Variants in LHFPL3 observed in about 807,000 individuals in gnomAD.
LHFPL3 encodes LHFPL tetraspan subfamily member 3 protein.
LHFPL3 carries 5 observed loss-of-function variants against 19.3 expected under a neutral mutation model. The ratio of observed to expected loss-of-function variants is 0.26; its 90% CI spans 0.14 to 0.54. The LOEUF is 0.54. Ranked by LOEUF, LHFPL3 falls within the 20% of genes least tolerant of loss-of-function variation. The pLI, the probability that LHFPL3 is intolerant of heterozygous loss-of-function variation, is 0.94. For missense variants in LHFPL3, 249 were observed against 307.4 expected (o/e 0.81, Z 1.42); for synonymous variants, 133 against 126.2 (o/e 1.05, Z -0.36).
intron 1 of LHFPL3, among the ~76,000 whole-genome samples, chr7:104,569,528 G>A (rs1006580725): frequency 1.3e-5 from 2 of 152,138 alleles, no homozygotes; most frequent in African/African-American, 4.8e-5. Flanking sequence ...TTTACAATAC[G>A]ATGTTATGGG....
intron 2 of LHFPL3, among the ~76,000 whole-genome samples, chr7:104,804,840 G>T (rs1790323972): frequency 6.6e-6 from 1 of 152,210 alleles, no homozygotes; most frequent in Non-Finnish European, 1.5e-5. Flanking sequence ...GAGAGATATT[G>T]AGACAATGGA....
intron 1 of LHFPL3, among the ~76,000 whole-genome samples, chr7:104,383,959 T>A (rs1466875169): frequency 1.3e-5 from 2 of 152,340 alleles, no homozygotes; most frequent in East Asian, 3.9e-4. Context: ...AGAGAATATC[T>A]TGTGAATCCT....
intron 1 of LHFPL3, among the ~76,000 whole-genome samples, chr7:104,654,430 C>G (rs1416317520): frequency 6.6e-6 from 1 of 152,114 alleles, no homozygotes; most frequent in Admixed American, 6.6e-5. Flanking sequence ...CTAAGAAAAG[C>G]AGCATGTTAT....
intron 2 of LHFPL3, among the ~76,000 whole-genome samples, chr7:104,861,566 G>A (rs930064197): frequency 1.3e-5 from 2 of 152,138 alleles, no homozygotes; most frequent in African/African-American, 2.4e-5. Context: ...ATCTAATGCT[G>A]GAGAGAAGTG....
At chr7:104,501,273 TA>T (rs755211297) in intron 1 of LHFPL3, among the ~76,000 whole-genome samples, 30 of 152,220 alleles carry the variant, frequency 2.0e-4, no homozygotes, top group Non-Finnish European at 3.8e-4. Context: ...TATACCATTT[TA>T]ATGCTGCTTT....
intron 1 of LHFPL3, among the ~76,000 whole-genome samples, chr7:104,438,227 A>G (rs1303023486): frequency 6.6e-6 from 1 of 152,220 alleles, no homozygotes; most frequent in African/African-American, 2.4e-5. Context: ...CTGTTACACC[A>G]TGCACTTTTA....
intron 1 of LHFPL3, among the ~76,000 whole-genome samples, chr7:104,727,980 A>G (rs1255756256): frequency 6.6e-6 from 1 of 152,164 alleles, no homozygotes; most frequent in Non-Finnish European, 1.5e-5. Flanking sequence ...AGAGGTAATG[A>G]AGGCCTAAAG....
chr7:104,520,926 G>T (rs1161276208), intron 1 of LHFPL3, among the ~76,000 whole-genome samples: 2 of 149,940 alleles, frequency 1.3e-5, no homozygotes, highest in Non-Finnish European at 3.0e-5. Context: ...TTTTTGAAGG[G>T]TTTTTTGTGT....
intron 1 of LHFPL3, among the ~76,000 whole-genome samples, chr7:104,598,568 CT>C (rs1312063433): frequency 6.6e-6 from 1 of 152,138 alleles, no homozygotes; most frequent in African/African-American, 2.4e-5. Flanking sequence ...AGGGATTTTG[CT>C]TGTTGACTTT....
At chr7:104,606,956 A>G (rs1389069739) in intron 1 of LHFPL3, among the ~76,000 whole-genome samples, 4 of 152,100 alleles carry the variant, frequency 2.6e-5, no homozygotes, top group Admixed American at 2.0e-4. Context: ...CTTCAAAACA[A>G]AACAAAAAAA....
chr7:104,642,447 CTAGAG>C (rs1791855575), intron 1 of LHFPL3, among the ~76,000 whole-genome samples: 1 of 152,140 alleles, frequency 6.6e-6, no homozygotes, highest in African/African-American at 2.4e-5. Flanking sequence ...TATTCCTCCC[CTAGAG>C]TAATCTGGTT....
chr7:104,403,450 T>C (rs1317255458), intron 1 of LHFPL3, among the ~76,000 whole-genome samples: 1 of 152,200 alleles, frequency 6.6e-6, no homozygotes, highest in African/African-American at 2.4e-5. Context: ...CTCAAGCCAC[T>C]GTGTACATAG....
chr7:104,449,654 T>G (rs1343258473), intron 1 of LHFPL3, among the ~76,000 whole-genome samples: 1 of 152,208 alleles, frequency 6.6e-6, no homozygotes, highest in East Asian at 1.9e-4. Flanking sequence ...TCAGAGGGTT[T>G]GCCTTAATCC....
chr7:104,424,707 C>A (rs1562893210), intron 1 of LHFPL3, among the ~76,000 whole-genome samples: 1 of 152,040 alleles, frequency 6.6e-6, no homozygotes, highest in South Asian at 2.1e-4. Flanking sequence ...AAGTATCTGA[C>A]TTGGCCGGGC....
At chr7:104,811,674 C>A (rs1471892737) in intron 2 of LHFPL3, among the ~76,000 whole-genome samples, 1 of 152,220 alleles carries the variant, frequency 6.6e-6, no homozygotes, top group Non-Finnish European at 1.5e-5. Context: ...TTGTGATAAT[C>A]ATTAGCAATT....
rs547599314 is a variant in LHFPL3, at chr7:104,745,937, G to T, written c.682+9026G>T. Among the ~76,000 whole-genome samples the T allele has an allele frequency of 2.6e-5, 4 of 152,252 alleles. No individual in the cohort carries two copies. The South Asian group carries it at 8.3e-4, about 32-fold the overall frequency. On this transcript the variant is annotated intron_variant, in intron 2 of 2. Transcript: ENST00000424859. ...AAATGTCCCCTCTCATCTATATTGG[G>T]GATCAAGGTAAAGAAATATTGAAAT... is the stretch of plus-strand genomic sequence containing the variant.
At chr7:104,562,445 G>A (rs370318499) in intron 1 of LHFPL3, among the ~76,000 whole-genome samples, 7,416 of 151,958 alleles carry the variant, frequency 0.049, 239 homozygotes, top group African/African-American at 0.088. Context: ...ATCTTCCATC[G>A]CTGATACCCT....
intron 1 of LHFPL3, among the ~76,000 whole-genome samples, chr7:104,373,047 G>GCACT (rs1281091511): frequency 6.8e-6 from 1 of 147,136 alleles, no homozygotes; most frequent in Non-Finnish European, 1.5e-5. Context: ...AATGCTGCAT[G>GCACT]CACTATTTTC....
rs1790974916 is a variant in LHFPL3, at chr7:104,832,600, C to T, written c.683-73587C>T. Among the ~76,000 whole-genome samples the T allele has an allele frequency of 2.0e-5, 3 of 147,862 alleles. No homozygotes were observed. In the South Asian group the frequency reaches 6.5e-4, roughly 32 times the overall value. On this transcript the variant is annotated intron_variant, in intron 2 of 2. Transcript: ENST00000424859. ...AGAGCTTACCACCTTGTCTTAGGAT[C>T]TCTCTGACATTTCTTTTTTCCTTCT...
Sources: allele counts gnomAD v4.1 joint callset (sites outside exome capture counted in the v4.1 genomes callset), GRCh38; gene constraint gnomAD v4.1.1; transcripts MANE v1.5; gene names NCBI Gene and HGNC (gene_info 2026-07-23, HGNC 2026-07-21).